NKAIN2: variants seen among roughly 807,000 people sequenced by gnomAD.
The protein encoded by NKAIN2 is sodium/potassium transporting ATPase interacting 2.
A neutral mutation model predicts 32.6 loss-of-function variants in NKAIN2; 14 were observed. The observed-to-expected ratio is 0.43, with a 90% CI of 0.28 to 0.67. NKAIN2 has a LOEUF of 0.67. NKAIN2 is among the 30% of genes least tolerant of loss of function. NKAIN2 has a pLI of 0.17. For synonymous variants in NKAIN2, 80 were observed against 87.2 expected, an observed-to-expected ratio of 0.92 and a Z score of 0.46; for missense variants, 198 against 258.3, an observed-to-expected ratio of 0.77 and a Z score of 1.60.
intron 3 of NKAIN2, among the ~76,000 whole-genome samples, chr6:124,616,937 C>T (rs1172570625): frequency 6.6e-6 from 1 of 152,104 alleles, no homozygotes; most frequent in African/African-American, 2.4e-5. Context: ...ATGATATGCC[C>T]TTCCTCAGAA....
chr6:124,400,243 G>A (rs1457265991), intron 3 of NKAIN2, among the ~76,000 whole-genome samples: 3 of 152,048 alleles, frequency 2.0e-5, no homozygotes, highest in Middle Eastern at 6.8e-3. Context: ...CTAGATTTAG[G>A]CTATGGATTT....
At chr6:124,793,683 A>T (rs1372295741) in intron 5 of NKAIN2, among the ~76,000 whole-genome samples, 6 of 152,132 alleles carry the variant, frequency 3.9e-5, no homozygotes, top group East Asian at 1.9e-4. Flanking sequence ...ACTGCTCAAA[A>T]AAAAAAAAAA....
chr6:124,079,938 T>TTC (rs1783876396), intron 1 of NKAIN2, among the ~76,000 whole-genome samples: 2 of 141,906 alleles, frequency 1.4e-5, no homozygotes, highest in Non-Finnish European at 3.1e-5. Flanking sequence ...GGCATTTGGA[T>TTC]GGAAAAAAAA....
chr6:124,506,050 A>G (rs1025810612), intron 3 of NKAIN2, among the ~76,000 whole-genome samples: 3 of 152,036 alleles, frequency 2.0e-5, no homozygotes, highest in Non-Finnish European at 4.4e-5. Flanking sequence ...GCATGGTGGC[A>G]GGCGCCTGTA....
intron 3 of NKAIN2, among the ~76,000 whole-genome samples, chr6:124,394,814 A>G (rs2075632741): frequency 1.3e-5 from 2 of 152,294 alleles, no homozygotes; most frequent in South Asian, 4.1e-4. Context: ...CTCATCCACA[A>G]ACACCCATAA....
intron 1 of NKAIN2, among the ~76,000 whole-genome samples, chr6:123,842,836 C>T (rs538475004): frequency 1.4e-4 from 21 of 152,236 alleles, no homozygotes; most frequent in African/African-American, 4.1e-4. Flanking sequence ...TCAAGCTCTA[C>T]GAGTGAGGCT....
intron 1 of NKAIN2, among the ~76,000 whole-genome samples, chr6:124,246,182 G>A (rs1448243896): frequency 1.3e-5 from 2 of 151,894 alleles, no homozygotes; most frequent in South Asian, 2.1e-4. Flanking sequence ...CAATGGTTTC[G>A]GGGATTCTTA....
chr6:123,941,139 C>T (rs981493377), intron 1 of NKAIN2, among the ~76,000 whole-genome samples: 1 of 151,864 alleles, frequency 6.6e-6, no homozygotes, highest in African/African-American at 2.4e-5. Flanking sequence ...ATAGCACTGT[C>T]CTCCACCTTT....
At chr6:123,915,376 A>G (rs1208122126) in intron 1 of NKAIN2, among the ~76,000 whole-genome samples, 1 of 151,980 alleles carries the variant, frequency 6.6e-6, no homozygotes, top group Non-Finnish European at 1.5e-5. Flanking sequence ...CCACTCCCCC[A>G]CAACAACCAT....
intron 2 of NKAIN2, among the ~76,000 whole-genome samples, chr6:124,347,872 T>G (rs183661061): frequency 1.1e-4 from 16 of 152,360 alleles, no homozygotes; most frequent in Admixed American, 1.0e-3. Context: ...GTTCCGTTGC[T>G]GGTGAGGAAC....
At chr6:123,897,094 TA>T (rs1040861574) in intron 1 of NKAIN2, among the ~76,000 whole-genome samples, 14 of 152,160 alleles carry the variant, frequency 9.2e-5, no homozygotes, top group African/African-American at 3.4e-4. Context: ...AAGCCAGTCC[TA>T]AACAATTGTA....
Position 124,638,345 on chromosome 6 carries a change from G to A in NKAIN2, c.274-19841G>A, listed in dbSNP as rs115727256. ...ATAGGGAAAATGTTTCATGACATAG[G>A]TCAAGGCAAATATTTTATGGGTAAG... On this transcript the variant is annotated intron_variant, in intron 3 of 6. Transcript: ENST00000368417. Among the ~76,000 whole-genome samples, 747 of 152,252 alleles carry A rather than the reference G, an allele frequency of 4.9e-3. 3 individuals carry two copies. Among genetic ancestry groups the A allele is most frequent in the African/African-American group, 0.017 (712 of 41,552 alleles).
At chr6:124,805,645 T>C (rs1780511784) in intron 5 of NKAIN2, among the ~76,000 whole-genome samples, 1 of 152,230 alleles carries the variant, frequency 6.6e-6, no homozygotes, top group Non-Finnish European at 1.5e-5. Context: ...GGATGGAGAA[T>C]GACTTTGACG....
chr6:124,316,370 A>C (rs964035079), intron 2 of NKAIN2, among the ~76,000 whole-genome samples: 1 of 152,142 alleles, frequency 6.6e-6, no homozygotes, highest in African/African-American at 2.4e-5. Flanking sequence ...CATGACACAG[A>C]AATGAACATC....
chr6:124,786,669 T>C (rs188172959), intron 4 of NKAIN2, among the ~76,000 whole-genome samples: 25 of 152,008 alleles, frequency 1.6e-4, no homozygotes. Flanking sequence ...ATTAGATACA[T>C]GAAGGTGAAA....
At chr6:124,010,290 G>T (rs1780266940) in intron 1 of NKAIN2, among the ~76,000 whole-genome samples, 1 of 151,608 alleles carries the variant, frequency 6.6e-6, no homozygotes, top group Admixed American at 6.6e-5. Context: ...AACTGATAAG[G>T]GTCTACACTA....
intron 1 of NKAIN2, among the ~76,000 whole-genome samples, chr6:124,174,744 T>C (rs1000774210): frequency 9.2e-5 from 14 of 152,128 alleles, no homozygotes; most frequent in African/African-American, 3.1e-4. Context: ...CAGAATGTAG[T>C]CATATGACCA....
chr6:124,529,227 A>T (rs931990491), intron 3 of NKAIN2, among the ~76,000 whole-genome samples: 17 of 152,310 alleles, frequency 1.1e-4, no homozygotes, highest in African/African-American at 3.8e-4. Flanking sequence ...AACTAAGATG[A>T]GCAACCAAAC....
chr6:124,293,294 CTTAT>C (rs1357153105), intron 2 of NKAIN2, among the ~76,000 whole-genome samples: 1 of 151,888 alleles, frequency 6.6e-6, no homozygotes, highest in Admixed American at 6.6e-5. Flanking sequence ...TAGACTATAC[CTTAT>C]TTGTTTGTAA....
Sources: gnomAD v4.1 joint callset for allele counts (sites outside exome capture counted in the v4.1 genomes callset) on GRCh38, gnomAD v4.1.1 for gene constraint, MANE v1.5 for transcripts, NCBI Gene and HGNC (gene_info 2026-07-23, HGNC 2026-07-21) for gene names.